MYCBP2: variants seen among roughly 807,000 people sequenced by gnomAD.
MYCBP2 encodes E3 ubiquitin-protein ligase MYCBP2.
In MYCBP2, 120 loss-of-function variants were observed where a neutral mutation model predicts 525.3. The ratio of observed to expected loss-of-function variants is 0.23; its 90% CI spans 0.20 to 0.27. The LOEUF (loss-of-function observed/expected upper bound fraction) is 0.27, where lower values mean the gene tolerates loss of function less well. Ranked by LOEUF, MYCBP2 falls within the 10% of genes least tolerant of loss-of-function variation. The probability of loss-of-function intolerance (pLI) is 1.00; values close to 1 mark genes in which losing one functional copy is unlikely to be tolerated. For synonymous variants in MYCBP2, 1,894 were observed against 1,955.8 expected (o/e 0.97, Z 0.83); for missense variants, 4,149 against 5,657.1 (o/e 0.73, Z 8.55).
chr13:77,133,723 T>C (rs1398819776), intron 52 of MYCBP2, among the ~76,000 whole-genome samples: 10 of 152,204 alleles, frequency 6.6e-5, no homozygotes. Context: ...TATTCATTAG[T>C]TCACATACAT....
At chr13:77,296,187 A>AG (rs2078168857) in intron 2 of MYCBP2, among the ~76,000 whole-genome samples, 1 of 152,186 alleles carries the variant, frequency 6.6e-6, no homozygotes, top group Non-Finnish European at 1.5e-5. Context: ...TGGGAGGCCG[A>AG]GGTGAGAGGA....
At chr13:77,270,259 C>A in intron 6 of MYCBP2, 37 bp downstream of exon 6, 1 of 1,575,310 alleles carries the variant, frequency 6.3e-7, no homozygotes, top group Non-Finnish European at 8.6e-7. Context: ...ATGGTTATAA[C>A]TCTGTATAAT....
In MYCBP2 at chr13:77,326,344, A is replaced by G; in HGVS notation, c.302+130T>C. On this transcript the variant is annotated intron_variant, in intron 1 of 82. Transcript: ENST00000544440. The surrounding 1 kb of genome is among the most constrained non-coding windows in gnomAD (Gnocchi z 4.2). Reference sequence around the variant, plus strand: ...TAAGTGCTCCTGCCAACAGACATCCAGAGCGGACTGAAAGCTCAATAAATG... The same window carrying G: ...TAAGTGCTCCTGCCAACAGACATCCGGAGCGGACTGAAAGCTCAATAAATG... The G allele has an allele frequency of 1.1e-5, 10 of 906,602 alleles. No individual in the cohort carries two copies. The highest frequency in any genetic ancestry group is 1.8e-5 in the South Asian group (1 of 54,164). The allele number at this position is 906,602 out of a possible 1,614,324, so 56.2% of individuals were successfully genotyped here. A position where few individuals can be genotyped will look rare whatever the true frequency, so the allele number is the denominator to read the frequency against.
intron 18 of MYCBP2, 64 bp from the exon 19 acceptor site, chr13:77,225,618 A>T (rs1052573560): frequency 1.3e-6 from 2 of 1,589,484 alleles, no homozygotes; most frequent in Non-Finnish European, 1.7e-6. Context: ...TAAAAATTTA[A>T]ATCAGTTTAT....
intron 1 of MYCBP2, among the ~76,000 whole-genome samples, chr13:77,321,900 C>T (rs2081687073): frequency 6.6e-6 from 1 of 152,208 alleles, no homozygotes; most frequent in Admixed American, 6.5e-5. Context: ...GTGGCTCACA[C>T]CCATAATCCC....
intron 52 of MYCBP2, among the ~76,000 whole-genome samples, chr13:77,132,423 T>C (rs1291129775): frequency 6.6e-6 from 1 of 152,116 alleles, no homozygotes; most frequent in Non-Finnish European, 1.5e-5. Context: ...TAACAAATGA[T>C]ACTTTCTCTT....
At chr13:77,229,618 G>A (rs1161239818) in intron 18 of MYCBP2, among the ~76,000 whole-genome samples, 2 of 152,138 alleles carry the variant, frequency 1.3e-5, no homozygotes, top group African/African-American at 4.8e-5. Flanking sequence ...GACTACATAT[G>A]TGGGTGTGCA....
chr13:77,213,375 T>C (rs1435197699), intron 21 of MYCBP2, among the ~76,000 whole-genome samples: 1 of 152,060 alleles, frequency 6.6e-6, no homozygotes, highest in Non-Finnish European at 1.5e-5. Flanking sequence ...CTCAGGAGGC[T>C]GAGGCATAAG....
chr13:77,144,987 T>G (rs565202408), intron 48 of MYCBP2, among the ~76,000 whole-genome samples: 2 of 152,326 alleles, frequency 1.3e-5, no homozygotes, highest in Non-Finnish European at 2.9e-5. Context: ...CTCTCATGCA[T>G]CATCAATTAC....
Position 77,327,044 on chromosome 13 carries a change from C to A in MYCBP2, c.-269G>T. The A allele has an allele frequency of 2.3e-6, 1 of 439,050 alleles. No homozygotes were observed. The highest frequency in any genetic ancestry group is 3.9e-6 in the Non-Finnish European group (1 of 253,592). The allele number at this position is 439,050 out of a possible 1,614,324, so 27.2% of individuals were successfully genotyped here. ...GAGGCGGTGCCGCCACTGCCGCCGC[C>A]ACCACCGCTACCACCGCCACCACCG... is the stretch of plus-strand genomic sequence containing the variant. On this transcript the variant is annotated 5_prime_UTR_variant, in exon 1 of 83. Transcript: ENST00000544440.
chr13:77,301,334 T>TG (rs2078773171), intron 1 of MYCBP2, among the ~76,000 whole-genome samples: 1 of 148,182 alleles, frequency 6.7e-6, no homozygotes, highest in Non-Finnish European at 1.5e-5. Flanking sequence ...GAGAATCGCT[T>TG]GAACCTGGAA....
At chr13:77,089,111 T>A in intron 60 of MYCBP2, 80 bp from the exon 61 acceptor site, 1 of 1,043,958 alleles carries the variant, frequency 9.6e-7, no homozygotes, top group African/African-American at 1.6e-5. Flanking sequence ...TATATTCACT[T>A]AAAGCCTTTG....
chr13:77,151,276 C>T (rs1432890982), intron 46 of MYCBP2, among the ~76,000 whole-genome samples: 1 of 152,182 alleles, frequency 6.6e-6, no homozygotes, highest in Non-Finnish European at 1.5e-5. Context: ...ATTGCAGGGA[C>T]TAACAAATTA....
chr13:77,212,373 A>T (rs1432873674), intron 21 of MYCBP2, among the ~76,000 whole-genome samples: 1 of 152,210 alleles, frequency 6.6e-6, no homozygotes, highest in Non-Finnish European at 1.5e-5. Context: ...GAAAGTCTTA[A>T]AAAGTGCATT....
intron 10 of MYCBP2, among the ~76,000 whole-genome samples, chr13:77,262,380 A>C (rs1490779287): frequency 6.6e-6 from 1 of 152,058 alleles, no homozygotes; most frequent in Non-Finnish European, 1.5e-5. Context: ...TACGACAAAA[A>C]AATTTAAAAA....
chr13:77,045,989 G>A (rs540643970), intron 82 of MYCBP2, among the ~76,000 whole-genome samples: 1 of 152,216 alleles, frequency 6.6e-6, no homozygotes, highest in African/African-American at 2.4e-5. Flanking sequence ...GGTAAAATGG[G>A]AAGGCCAATG....
At chr13:77,115,774 G>A (rs2049639221) in intron 55 of MYCBP2, among the ~76,000 whole-genome samples, 1 of 151,354 alleles carries the variant, frequency 6.6e-6, no homozygotes, top group Admixed American at 6.6e-5. Flanking sequence ...TGTCTTTGTA[G>A]AATTTTTCTA....
chr13:77,173,098 G>A (rs969788328), intron 37 of MYCBP2, among the ~76,000 whole-genome samples: 1 of 152,176 alleles, frequency 6.6e-6, no homozygotes, highest in Non-Finnish European at 1.5e-5. Context: ...GGAGTCCAGG[G>A]CTCAGAGGTC....
chr13:77,224,325 G>A, intron 20 of MYCBP2, 126 bp downstream of exon 20: 1 of 654,574 alleles, frequency 1.5e-6, no homozygotes, highest in Admixed American at 3.1e-5. Flanking sequence ...ACTTTGCAAA[G>A]CAGTGGTATA....
Sources: allele counts gnomAD v4.1 joint callset (sites outside exome capture counted in the v4.1 genomes callset), GRCh38; gene constraint gnomAD v4.1.1; non-coding constraint Gnocchi (gnomAD v3.1); transcripts MANE v1.5; gene names NCBI Gene and HGNC (gene_info 2026-07-23, HGNC 2026-07-21).